Variants in MTA1 observed in about 807,000 individuals in gnomAD.
MTA1 encodes metastasis associated 1.
Under a neutral mutation model 97.0 loss-of-function variants are expected in MTA1, and 15 were observed. That is an observed-to-expected ratio of 0.15 (90% CI 0.10 to 0.24). The LOEUF (loss-of-function observed/expected upper bound fraction) is 0.24. Among genes scored for constraint, MTA1 ranks in the 10% least tolerant of loss-of-function variants. The pLI is 1.00. For missense variants in MTA1, 709 were observed against 1,015.1 expected (o/e 0.70, Z 4.10); for synonymous variants, 435 against 417.5 (o/e 1.04, Z -0.51).
chr14:105,445,644 G>A (rs782187537), intron 3 of MTA1, 133 bp downstream of exon 3: 14 of 937,992 alleles, frequency 1.5e-5, no homozygotes, highest in Admixed American at 1.0e-4. Flanking sequence ...TCACTCTGGC[G>A]TCTCTTTTTC....
Position 105,464,572 on chromosome 14 carries a change from G to T in MTA1, c.1344+5G>T. 1 of 1,610,420 alleles carries T rather than the reference G, an allele frequency of 6.2e-7. No homozygotes were observed. The highest frequency in any genetic ancestry group is 8.5e-7 in the Non-Finnish European group (1 of 1,178,784). ...GGACCAAACCGCAGTAACATGGTAA[G>T]GGGGGGGACACCCGCCCTGCCTGCC... is the stretch of plus-strand genomic sequence containing the variant. On this transcript the variant is annotated splice_donor_5th_base_variant and intron_variant, in intron 14 of 20. Transcript: ENST00000331320.
Position 105,424,817 on chromosome 14 carries a change from A to G in MTA1, c.28+4754A>G, listed in dbSNP as rs1404750561. On this transcript the variant is annotated intron_variant, in intron 1 of 20. Coordinates refer to ENST00000331320, the MANE Select transcript of MTA1 (RefSeq NM_004689.4). The surrounding 1 kb of genome is among the most constrained non-coding windows in gnomAD (Gnocchi z 4.0). ...GGCCCCATATTGTTCTGAGTGGAGA[A>G]TTTGATCGTTAAGCTCTCAGAATAA... is the stretch of plus-strand genomic sequence containing the variant. Among the ~76,000 whole-genome samples, 2 of 152,210 alleles carry G rather than the reference A, an allele frequency of 1.3e-5. No individual in the cohort carries two copies. The highest frequency in any genetic ancestry group is 2.4e-5 in the African/African-American group (1 of 41,462).
intron 1 of MTA1, among the ~76,000 whole-genome samples, chr14:105,432,686 C>T (rs936494481): frequency 3.9e-5 from 6 of 152,198 alleles, no homozygotes; most frequent in African/African-American, 7.2e-5. Context: ...CTTAAAGTTA[C>T]GAGGCACAAC....
At chr14:105,440,350 C>A (rs1298389712) in intron 2 of MTA1, among the ~76,000 whole-genome samples, 1 of 152,258 alleles carries the variant, frequency 6.6e-6, no homozygotes, top group Non-Finnish European at 1.5e-5. Context: ...CTGTGTCCCT[C>A]CTGGTCTGTG....
At chr14:105,440,890 C>A (rs1445173472) in intron 2 of MTA1, among the ~76,000 whole-genome samples, 1 of 152,246 alleles carries the variant, frequency 6.6e-6, no homozygotes, top group Admixed American at 6.5e-5. Context: ...CCCTCTGTTC[C>A]CTGGACTGAA....
At chr14:105,445,690 T>A (rs1555426980) in intron 3 of MTA1, 179 bp downstream of exon 3, 1 of 730,120 alleles carries the variant, frequency 1.4e-6, no homozygotes, top group East Asian at 2.7e-5. Context: ...CCTGGCTCCG[T>A]TTCCTCGGGG....
intron 18 of MTA1, chr14:105,468,193 A>G (rs1595432240): frequency 2.6e-6 from 2 of 771,986 alleles, no homozygotes; most frequent in Middle Eastern, 3.1e-4. Flanking sequence ...GCCTGCCCAC[A>G]GCACGGGGCC....
intron 6 of MTA1, among the ~76,000 whole-genome samples, chr14:105,451,116 T>C (rs963927479): frequency 1.3e-5 from 2 of 152,322 alleles, no homozygotes; most frequent in East Asian, 1.9e-4. Context: ...TCAGCTCAGA[T>C]GCAGGTTGCT....
At chr14:105,445,302 G>A (rs6576102) in intron 2 of MTA1, 116 bp from the exon 3 acceptor site, 812,067 of 818,530 alleles carry the variant, frequency 0.99, 403,082 homozygotes, top group East Asian at 1. Flanking sequence ...CCCGAGGGGT[G>A]GTGTGGTTAC....
intron 10 of MTA1, among the ~76,000 whole-genome samples, chr14:105,462,363 G>T (rs2083389882): frequency 6.6e-6 from 1 of 152,200 alleles, no homozygotes. Context: ...GAGGTCAGGA[G>T]ATCAAGACCA....
intron 2 of MTA1, among the ~76,000 whole-genome samples, chr14:105,442,545 C>T (rs782521944): frequency 2.0e-5 from 3 of 152,204 alleles, no homozygotes; most frequent in South Asian, 2.1e-4. Flanking sequence ...AGAAAAAAGA[C>T]GATTGTTAAT....
chr14:105,441,742 C>T (rs587689811), intron 2 of MTA1, among the ~76,000 whole-genome samples: 41 of 152,132 alleles, frequency 2.7e-4, no homozygotes, highest in Admixed American at 1.1e-3. Context: ...TGCAGTGAGC[C>T]GAGATCCCGC....
At position 105,422,793 on chromosome 14, in the gene MTA1, G is replaced by T. The variant is rs587772659; in HGVS notation, c.28+2730G>T. Among the ~76,000 whole-genome samples, 1 of 152,360 alleles carries T rather than the reference G, an allele frequency of 6.6e-6. No homozygotes were observed. The highest frequency in any genetic ancestry group is 2.1e-4 in the South Asian group (1 of 4,826). On this transcript the variant is annotated intron_variant, in intron 1 of 20. Coordinates refer to ENST00000331320, the MANE Select transcript of MTA1 (RefSeq NM_004689.4). The surrounding 1 kb of genome is among the most constrained non-coding windows in gnomAD (Gnocchi z 4.3). ...TTTTGTGCCAGCTGAGCTGGGTGAA[G>T]TGGTGAGCAGGGAGGGAACAGGGCC... is the stretch of plus-strand genomic sequence containing the variant.
chr14:105,447,724 C>T (rs1555427537), intron 3 of MTA1, among the ~76,000 whole-genome samples: 2 of 152,296 alleles, frequency 1.3e-5, no homozygotes, highest in South Asian at 2.1e-4. Flanking sequence ...AGGGAGCAGG[C>T]GTCATGGGTG....
Position 105,470,461 on chromosome 14 carries a change from C to T in MTA1, c.*246C>T. 2.3e-6 allele frequency: 1 copy of T among 440,360 alleles called. No individual in the cohort carries two copies. 27.3% of individuals were successfully genotyped at this position (440,360 alleles called of 1,614,324 possible). ...TTTTGGCTGGAGCGGAGATGAGGGG[C>T]CACCCCGTGCCCCTGTGCTGCGGGG... On this transcript the variant is annotated 3_prime_UTR_variant, in exon 21 of 21. Transcript: ENST00000331320.
At chr14:105,426,548 A>T (rs1555422321) in intron 1 of MTA1, among the ~76,000 whole-genome samples, 1 of 152,102 alleles carries the variant, frequency 6.6e-6, no homozygotes, top group East Asian at 1.9e-4. Flanking sequence ...GGGCTGGGCT[A>T]GGGCAGTTCT....
At chr14:105,460,334 G>A (rs2141652103) in intron 8 of MTA1, 24 bp from the exon 9 acceptor site, 2 of 1,591,554 alleles carry the variant, frequency 1.3e-6, no homozygotes, top group East Asian at 2.2e-5. Flanking sequence ...CCGACACTGT[G>A]GTCAGCGCAT....
At chr14:105,469,317 C>T (rs1292273580) in intron 18 of MTA1, 150 bp from the exon 19 acceptor site, 11 of 832,946 alleles carry the variant, frequency 1.3e-5, no homozygotes, top group Non-Finnish European at 2.0e-5. Context: ...CGAGGCCCCA[C>T]GTCCCCCAGG....
chr14:105,434,847 T>C (rs2082283423), intron 1 of MTA1, among the ~76,000 whole-genome samples: 1 of 152,224 alleles, frequency 6.6e-6, no homozygotes. Context: ...CTTGCAAAAC[T>C]CTTACTCAGC....
Sources: gnomAD v4.1 joint callset for allele counts (sites outside exome capture counted in the v4.1 genomes callset) on GRCh38, gnomAD v4.1.1 for gene constraint, Gnocchi (gnomAD v3.1) non-coding constraint, MANE v1.5 for transcripts, NCBI Gene and HGNC (gene_info 2026-07-23, HGNC 2026-07-21) for gene names.